Variants in SOX5 observed in about 807,000 individuals in gnomAD.
The protein encoded by SOX5 is SRY-box transcription factor 5, also known as transcription factor SOX-5.
Under a neutral mutation model 92.0 loss-of-function variants are expected in SOX5, and 9 were observed. The ratio of observed to expected loss-of-function variants is 0.10; its 90% confidence interval spans 0.06 to 0.17. The LOEUF (loss-of-function observed/expected upper bound fraction) is 0.17. Among genes scored for constraint, SOX5 ranks in the 10% least tolerant of loss-of-function variants. SOX5 has a pLI of 1.00. For synonymous variants in SOX5, 344 were observed against 336.3 expected, an observed-to-expected ratio of 1.02 and a Z score of -0.25; for missense variants, 642 against 944.5, an observed-to-expected ratio of 0.68 and a Z score of 4.20.
chr12:24,485,585 C>A (rs912114318), intron 1 of SOX5, among the ~76,000 whole-genome samples: 1 of 151,986 alleles, frequency 6.6e-6, no homozygotes, highest in Non-Finnish European at 1.5e-5. Flanking sequence ...ATAACAAGTA[C>A]CCTTCCCATT....
intron 1 of SOX5, among the ~76,000 whole-genome samples, chr12:24,540,749 G>A (rs942671461): frequency 1.8e-4 from 27 of 152,128 alleles, no homozygotes; most frequent in Non-Finnish European, 3.5e-4. Context: ...GCTTCTCTGG[G>A]TGACAATTTT....
intron 12 of SOX5, among the ~76,000 whole-genome samples, chr12:23,544,023 G>A (rs189310862): frequency 2.0e-5 from 3 of 152,144 alleles, no homozygotes; most frequent in East Asian, 1.9e-4. Context: ...TGTAAAACTG[G>A]TATGGAAAAG....
chr12:23,680,503 T>A (rs2086441266), intron 6 of SOX5, among the ~76,000 whole-genome samples: 1 of 151,544 alleles, frequency 6.6e-6, no homozygotes, highest in South Asian at 2.1e-4. Context: ...AGGTTAAGTG[T>A]CATAGAGTCT....
intron 4 of SOX5, among the ~76,000 whole-genome samples, chr12:23,976,019 A>G (rs1948850149): frequency 6.6e-6 from 1 of 152,156 alleles, no homozygotes; most frequent in Non-Finnish European, 1.5e-5. Context: ...GCAAAAAGAA[A>G]TATTTTATGT....
chr12:23,578,439 G>C (rs557609057), intron 9 of SOX5, among the ~76,000 whole-genome samples: 1 of 151,660 alleles, frequency 6.6e-6, no homozygotes, highest in Non-Finnish European at 1.5e-5. Flanking sequence ...GCACACTCAA[G>C]TGTAAGAGCC....
chr12:23,601,192 T>C (rs2074451433), intron 9 of SOX5, among the ~76,000 whole-genome samples: 1 of 152,144 alleles, frequency 6.6e-6, no homozygotes, highest in South Asian at 2.1e-4. Flanking sequence ...ACTCATGCTG[T>C]ACAATTTTAC....
chr12:23,886,963 C>T (rs1000891417), intron 2 of SOX5, among the ~76,000 whole-genome samples: 9 of 152,040 alleles, frequency 5.9e-5, no homozygotes, highest in Non-Finnish European at 8.8e-5. Context: ...TAAGTACGGG[C>T]ACTGAAAATA....
intron 4 of SOX5, among the ~76,000 whole-genome samples, chr12:24,010,978 G>C (rs372570826): frequency 6.6e-6 from 1 of 151,902 alleles, no homozygotes; most frequent in Non-Finnish European, 1.5e-5. Context: ...ATATTAATAG[G>C]GTTTAGATGC....
intron 1 of SOX5, among the ~76,000 whole-genome samples, chr12:24,535,923 A>T (rs1022749733): frequency 7.3e-6 from 1 of 136,180 alleles, no homozygotes; most frequent in Non-Finnish European, 1.6e-5. Flanking sequence ...ACCCCCTCCC[A>T]GATGCCACCA....
At chr12:24,206,589 C>G (rs187825967) in intron 4 of SOX5, among the ~76,000 whole-genome samples, 18 of 152,216 alleles carry the variant, frequency 1.2e-4, no homozygotes, top group Admixed American at 4.6e-4. Context: ...CCGCCTCCCC[C>G]CAAGAATCCT....
chr12:23,654,238 T>A (rs1431130987), intron 7 of SOX5, among the ~76,000 whole-genome samples: 6 of 152,066 alleles, frequency 3.9e-5, no homozygotes, highest in African/African-American at 1.4e-4. Context: ...AATAAAATAA[T>A]CTCTTTTAAC....
At chr12:24,034,485 G>T (rs185245631) in intron 4 of SOX5, among the ~76,000 whole-genome samples, 84 of 151,926 alleles carry the variant, frequency 5.5e-4, no homozygotes, top group African/African-American at 1.3e-3. Context: ...TAGGAATGGG[G>T]GCAAAGGAGA....
intron 2 of SOX5, among the ~76,000 whole-genome samples, chr12:24,341,240 G>C (rs983421631): frequency 4.6e-5 from 7 of 152,170 alleles, no homozygotes; most frequent in Non-Finnish European, 8.8e-5. Context: ...ACCTTGAGAG[G>C]CTGAGGCAGG....
intron 4 of SOX5, among the ~76,000 whole-genome samples, chr12:24,000,774 TA>T (rs1348313363): frequency 6.6e-5 from 10 of 152,064 alleles, no homozygotes; most frequent in African/African-American, 9.7e-5. Flanking sequence ...AAGATTTTTT[TA>T]AAAAAAGATT....
At chr12:24,406,907 TTA>T (rs1963087394) in intron 1 of SOX5, among the ~76,000 whole-genome samples, 1 of 152,146 alleles carries the variant, frequency 6.6e-6, no homozygotes, top group Non-Finnish European at 1.5e-5. Flanking sequence ...CAAAATACGA[TTA>T]AAGAAACCCC....
At chr12:23,667,956 C>T (rs1424330993) in intron 6 of SOX5, among the ~76,000 whole-genome samples, 1 of 152,162 alleles carries the variant, frequency 6.6e-6, no homozygotes, top group Non-Finnish European at 1.5e-5. Context: ...TGCCTATTGG[C>T]TGAAATTTAC....
At chr12:24,557,155 C>T (rs1191064306) in intron 1 of SOX5, among the ~76,000 whole-genome samples, 2 of 152,090 alleles carry the variant, frequency 1.3e-5, no homozygotes, top group African/African-American at 4.8e-5. Flanking sequence ...CTTTGGGAGG[C>T]TGAGGTGGAG....
intron 6 of SOX5, among the ~76,000 whole-genome samples, chr12:23,684,551 C>T (rs1263941745): frequency 6.6e-6 from 1 of 152,000 alleles, no homozygotes; most frequent in Non-Finnish European, 1.5e-5. Context: ...TTGTTCAGTT[C>T]TTTTAATTAC....
chr12:23,797,296 A>C (rs574673457), intron 3 of SOX5, among the ~76,000 whole-genome samples: 6 of 152,104 alleles, frequency 3.9e-5, no homozygotes, highest in African/African-American at 1.4e-4. Flanking sequence ...TGGTTCAAAT[A>C]CCTGCTTTAA....
Sources: gnomAD v4.1 joint callset for allele counts (sites outside exome capture counted in the v4.1 genomes callset) on GRCh38, gnomAD v4.1.1 for gene constraint, MANE v1.5 for transcripts, NCBI Gene and HGNC (gene_info 2026-07-23, HGNC 2026-07-21) for gene names.